Variants in KLRG1 observed in about 807,000 individuals in gnomAD.
KLRG1 encodes killer cell lectin-like receptor subfamily G member 1.
In KLRG1, 16 loss-of-function variants were observed where a neutral mutation model predicts 21.8. The observed-to-expected ratio is 0.73, with a 90% confidence interval of 0.50 to 1.11. The LOEUF (loss-of-function observed/expected upper bound fraction) is 1.11, where lower values mean the gene tolerates loss of function less well. KLRG1 is among the 50% of genes most tolerant of loss of function. KLRG1 has a pLI of 0.00. For synonymous variants in KLRG1, 69 were observed against 75.9 expected, an observed-to-expected ratio of 0.91 and a Z score of 0.47; for missense variants, 173 against 218.3, an observed-to-expected ratio of 0.79 and a Z score of 1.31.
At chr12:9,175,708 G>C in the KLRG1 span, among the ~76,000 whole-genome samples, 1 of 152,144 alleles carries the variant, frequency 6.6e-6, no homozygotes, top group Non-Finnish European at 1.5e-5. Context: ...ATGAAGAAAA[G>C]CTCAACATCA....
At chr12:9,153,209 G>A in the KLRG1 span, 5 of 1,614,212 alleles carry the variant, frequency 3.1e-6, no homozygotes, top group South Asian at 5.5e-5. Flanking sequence ...GCAGTAATAG[G>A]AGGTTGTTGT....
the KLRG1 span, chr12:9,208,301 A>G: frequency 6.2e-7 from 1 of 1,613,794 alleles, no homozygotes; most frequent in Non-Finnish European, 8.5e-7. Context: ...CAGGATAAGA[A>G]GTAGCACAAG....
chr12:9,210,620 A>G, the KLRG1 span, among the ~76,000 whole-genome samples: 2 of 152,190 alleles, frequency 1.3e-5, no homozygotes, highest in South Asian at 2.1e-4. Context: ...GTGAATATAT[A>G]TATAACCAAC....
the KLRG1 span, chr12:9,202,639 G>A: frequency 1.2e-6 from 2 of 1,614,106 alleles, no homozygotes; most frequent in Non-Finnish European, 1.7e-6. Flanking sequence ...CCCTTTATCT[G>A]GATGCTAAGG....
the KLRG1 span, chr12:9,182,172 A>AAGTGAGAC: frequency 3.2e-5 from 50 of 1,542,650 alleles, no homozygotes; most frequent in Admixed American, 9.3e-5. Flanking sequence ...AAAAGGTCAT[A>AAGTGAGAC]AAAATAGTGT....
the KLRG1 span, among the ~76,000 whole-genome samples, chr12:9,069,988 A>G: frequency 2.0e-5 from 3 of 152,256 alleles, no homozygotes; most frequent in East Asian, 1.9e-4. Context: ...AGGGTTTACT[A>G]TTAGTATAAC....
chr12:9,196,985 C>T, the KLRG1 span: 1 of 1,457,420 alleles, frequency 6.9e-7, no homozygotes, highest in Non-Finnish European at 9.6e-7. Context: ...ACAGTGATAG[C>T]ACTGAGGGAG....
At chr12:9,094,950 A>G in the KLRG1 span, 11 of 1,284,974 alleles carry the variant, frequency 8.6e-6, no homozygotes, top group African/African-American at 1.5e-5. Flanking sequence ...TAGGCAATAT[A>G]TATTTATTAA....
At chr12:9,052,175 A>G in the KLRG1 span, among the ~76,000 whole-genome samples, 58 of 152,336 alleles carry the variant, frequency 3.8e-4, no homozygotes, top group African/African-American at 1.1e-3. Context: ...TGGATTATTC[A>G]TAATCTTGGA....
At chr12:9,011,178 C>A (rs1053651526), downstream of KLRG1, among the ~76,000 whole-genome samples, 1 of 152,154 alleles carries the variant, frequency 6.6e-6, no homozygotes, top group Non-Finnish European at 1.5e-5. Flanking sequence ...TCCTCTGTGA[C>A]TAGGGTTCAG....
chr12:9,060,044 G>T, the KLRG1 span, among the ~76,000 whole-genome samples: 3 of 114,588 alleles, frequency 2.6e-5, no homozygotes, highest in African/African-American at 1.0e-4. Context: ...TCGCTCTGTC[G>T]CCCAGGCTGG....
the KLRG1 span, among the ~76,000 whole-genome samples, chr12:9,209,054 A>ATT: frequency 3.7e-4 from 55 of 150,374 alleles, no homozygotes; most frequent in East Asian, 9.8e-4. Context: ...TTTATCTGAG[A>ATT]TTTTTTTTTT....
chr12:9,108,316 C>T, the KLRG1 span, among the ~76,000 whole-genome samples: 5 of 151,798 alleles, frequency 3.3e-5, no homozygotes, highest in Non-Finnish European at 5.9e-5. Flanking sequence ...TTAGTAGAGA[C>T]GGGGTTTCAC....
At chr12:9,089,314 G>T in the KLRG1 span, 5 of 1,152,622 alleles carry the variant, frequency 4.3e-6, no homozygotes. Flanking sequence ...GTGTTTTAAT[G>T]GAGGGACCAC....
chr12:9,160,217 A>G, the KLRG1 span: 1 of 1,255,676 alleles, frequency 8.0e-7, no homozygotes, highest in Non-Finnish European at 1.1e-6. Flanking sequence ...TTTCATAAAA[A>G]TTATCATCAT....
At chr12:9,079,429 T>C in the KLRG1 span, 1 of 1,298,330 alleles carries the variant, frequency 7.7e-7, no homozygotes, top group Non-Finnish European at 1.1e-6. Context: ...GTGACATTTC[T>C]TAAATTTTGT....
chr12:9,104,102 A>C, the KLRG1 span: 2 of 851,146 alleles, frequency 2.3e-6, no homozygotes, highest in African/African-American at 3.5e-5. Flanking sequence ...TAAAAAAGTT[A>C]ACCTTCAATC....
upstream of KLRG1, among the ~76,000 whole-genome samples, chr12:8,985,871 T>G (rs377237996): frequency 4.6e-5 from 7 of 152,212 alleles, no homozygotes; most frequent in African/African-American, 1.7e-4. Context: ...CCCCTCCCCT[T>G]GTCACCCCAG....
At chr12:9,106,654 A>C in the KLRG1 span, 1 of 942,066 alleles carries the variant, frequency 1.1e-6, no homozygotes, top group East Asian at 2.7e-5. Context: ...TATTATACTA[A>C]ATAGATCAGT....
Sources: gnomAD v4.1 joint callset for allele counts (sites outside exome capture counted in the v4.1 genomes callset) on GRCh38, gnomAD v4.1.1 for gene constraint, MANE v1.5 for transcripts, NCBI Gene and HGNC (gene_info 2026-07-23, HGNC 2026-07-21) for gene names.